DENND4A: variants seen among roughly 807,000 people sequenced by gnomAD.
The protein encoded by DENND4A is DENN domain containing 4A, also known as C-myc promoter-binding protein.
A neutral mutation model predicts 199.3 loss-of-function variants in DENND4A; 70 were observed. That is an observed-to-expected ratio of 0.35 (90% CI 0.29 to 0.43). The LOEUF is 0.43. Among genes scored for constraint, DENND4A ranks in the 20% least tolerant of loss-of-function variants. The pLI is 1.00. For missense variants in DENND4A, 1,723 were observed against 2,255.8 expected (o/e 0.76, Z 4.78); for synonymous variants, 686 against 766.9 (o/e 0.89, Z 1.74).
chr15:65,769,554 A>C (rs2140867934), intron 1 of DENND4A, among the ~76,000 whole-genome samples: 1 of 152,304 alleles, frequency 6.6e-6, no homozygotes, highest in East Asian at 1.9e-4. Flanking sequence ...ATTTTAAAAT[A>C]AGGGACCAAA....
intron 14 of DENND4A, among the ~76,000 whole-genome samples, chr15:65,709,311 G>GT: frequency 6.6e-6 from 1 of 152,280 alleles, no homozygotes; most frequent in East Asian, 1.9e-4. Context: ...ATGAAAGGTA[G>GT]TAACAGCATT....
Position 65,717,971 on chromosome 15 carries a change from T to A in DENND4A, c.1614A>T (p.Gly538=). 2 of 1,604,790 alleles carry A rather than the reference T, an allele frequency of 1.2e-6. No individual in the cohort carries two copies. The highest frequency in any genetic ancestry group is 1.7e-6 in the Non-Finnish European group (2 of 1,175,058). Residue 538 remains glycine (G), a synonymous_variant, in exon 13 of 33, where the codon GGA becomes GGT. Transcript: ENST00000443035. ...AGTCATTTATTGCTAAATCCATGAGTCCATCATCTCTCGGTCTCTGCTGCA... is the reference window on the plus strand; with the variant it reads ...AGTCATTTATTGCTAAATCCATGAGACCATCATCTCTCGGTCTCTGCTGCA... ...AKLQQRPRDD[G]LMDLAINDYD...
At chr15:65,784,457 A>C (rs1253338275) in intron 1 of DENND4A, among the ~76,000 whole-genome samples, 6 of 84,838 alleles carry the variant, frequency 7.1e-5, no homozygotes, top group African/African-American at 3.5e-4. Context: ...CATTTCTTAC[A>C]AAAAAAAAAA....
At chr15:65,749,549 T>C (rs918974074) in intron 4 of DENND4A, among the ~76,000 whole-genome samples, 7 of 152,192 alleles carry the variant, frequency 4.6e-5, no homozygotes, top group South Asian at 4.1e-4. Context: ...CAAAAGAGGA[T>C]AATAAATAAA....
At chr15:65,734,877 T>C (rs1418070962) in intron 7 of DENND4A, among the ~76,000 whole-genome samples, 3 of 151,596 alleles carry the variant, frequency 2.0e-5, no homozygotes, top group Non-Finnish European at 4.4e-5. Flanking sequence ...AGCCTAGGAG[T>C]TCAAGACCAG....
chr15:65,693,715 A>T (rs2077050200), intron 22 of DENND4A, among the ~76,000 whole-genome samples: 1 of 151,738 alleles, frequency 6.6e-6, no homozygotes, highest in Non-Finnish European at 1.5e-5. Flanking sequence ...AACAACCCCA[A>T]ACCCAAGACA....
At chr15:65,751,462 C>G (rs555920636) in intron 4 of DENND4A, among the ~76,000 whole-genome samples, 2 of 152,152 alleles carry the variant, frequency 1.3e-5, no homozygotes, top group Admixed American at 6.5e-5. Flanking sequence ...TTAGAGAAGT[C>G]CAGATTAGAC....
Position 65,700,613 on chromosome 15 carries a change from T to C in DENND4A, c.2764A>G (p.Thr922Ala). The C allele has an allele frequency of 1.9e-6, 3 of 1,547,604 alleles. No individual in the cohort carries two copies. Among genetic ancestry groups the C allele is most frequent in the Non-Finnish European group, 2.6e-6 (3 of 1,145,304 alleles). Residue 922 changes from threonine to alanine, a missense_variant, in exon 20 of 33, where the codon ACT becomes GCT. Coordinates refer to ENST00000443035, the MANE Select transcript of DENND4A (RefSeq NM_001320835.1). The stretch of plus-strand genomic sequence containing the variant: ...GTATTAAAAGGTGCCTGCTCCACAG[T>C]GTGTGTCCCATGACCACTATCCATG... ...GSMDSGHGTH[T>A]VEQAPFNTGL...
intron 1 of DENND4A, among the ~76,000 whole-genome samples, chr15:65,773,948 G>A (rs2077210060): frequency 6.6e-6 from 1 of 152,222 alleles, no homozygotes; most frequent in African/African-American, 2.4e-5. Context: ...GAAAAGAGAA[G>A]TAAAGGTGTT....
chr15:65,705,615 A>T (rs190002045), intron 15 of DENND4A, among the ~76,000 whole-genome samples: 86 of 152,318 alleles, frequency 5.6e-4, no homozygotes, highest in Non-Finnish European at 8.7e-4. Context: ...CATGACTTAA[A>T]ACTCATGAAA....
Position 65,700,546 on chromosome 15 carries a change from G to A in DENND4A, c.2831C>T (p.Thr944Ile). The A allele has an allele frequency of 6.6e-7, 1 of 1,520,356 alleles. No individual in the cohort carries two copies. The highest frequency in any genetic ancestry group is 8.8e-7 in the Non-Finnish European group (1 of 1,131,588). The allele number at this position is 1,520,356 out of a possible 1,614,324, so 94.2% of individuals were successfully genotyped here. A position where few individuals can be genotyped will look rare whatever the true frequency, so the allele number is the denominator to read the frequency against. Residue 944 changes from threonine (T) to isoleucine (I), a missense_variant and splice_region_variant, in exon 20 of 33, where the codon ACA becomes ATA. Thr to Ile is a moderately conservative substitution (Grantham distance 89). Around this residue, in one of 6 missense-constraint regions of DENND4A, gnomAD observed 650 missense variants for 738.1 expected, o/e 0.88. Coordinates refer to ENST00000443035, the MANE Select transcript of DENND4A (RefSeq NM_001320835.1). ...KVYATDDRSS[T>I]GGQSDLGYNS... ...TGTATACATAAGCATACACAAACCT[G>A]TACTAGATCTATCATCAGTAGCATA...
chr15:65,789,647 G>A (rs978797142), intron 1 of DENND4A, among the ~76,000 whole-genome samples: 1 of 152,124 alleles, frequency 6.6e-6, no homozygotes, highest in Non-Finnish European at 1.5e-5. Flanking sequence ...CAATTTTCCT[G>A]CTAGAGCAAC....
chr15:65,736,102 A>C (rs2076107740), intron 7 of DENND4A, among the ~76,000 whole-genome samples: 2 of 152,176 alleles, frequency 1.3e-5, no homozygotes, highest in South Asian at 4.1e-4. Flanking sequence ...ATATTAACAA[A>C]TGTGATTTTT....
chr15:65,749,006 A>AT (rs1377892541), intron 4 of DENND4A, among the ~76,000 whole-genome samples: 61 of 151,882 alleles, frequency 4.0e-4, no homozygotes, highest in Admixed American at 3.1e-3. Context: ...AAAAAAAAAA[A>AT]CAAAAAGAAA....
Position 65,701,873 on chromosome 15 carries a change from A to G in DENND4A, c.2448T>C (p.Leu816=). 1 of 1,613,892 alleles carries G rather than the reference A, an allele frequency of 6.2e-7. No homozygotes were observed. The highest frequency in any genetic ancestry group is 8.5e-7 in the Non-Finnish European group (1 of 1,179,804). Residue 816 remains leucine (L), a synonymous_variant, in exon 18 of 33, where the codon CTT becomes CTC. Transcript: ENST00000443035. The part of the protein sequence containing the change: ...DPPDEVCYRI[L]MQLCGQYDQP... ...GATCATATTGTCCACAGAGTTGCAT[A>G]AGAATGCGGTAGCATACCTGAAATA...
intron 1 of DENND4A, among the ~76,000 whole-genome samples, chr15:65,784,001 C>T (rs1442833205): frequency 6.6e-6 from 1 of 152,094 alleles, no homozygotes; most frequent in African/African-American, 2.4e-5. Context: ...CTAGCTCAGC[C>T]TGGTGACCGA....
chr15:65,752,147 A>AT (rs1332945756), intron 4 of DENND4A, among the ~76,000 whole-genome samples: 2 of 149,954 alleles, frequency 1.3e-5, no homozygotes, highest in Non-Finnish European at 3.0e-5. Context: ...GGGGGATATT[A>AT]TTTTTTTAAT....
chr15:65,779,638 C>G (rs1042532947), intron 1 of DENND4A, among the ~76,000 whole-genome samples: 4 of 150,806 alleles, frequency 2.7e-5, no homozygotes, highest in Non-Finnish European at 5.9e-5. Flanking sequence ...CCATGCCTGG[C>G]TAGCTAGGTG....
chr15:65,728,664 T>C (rs1042251934), intron 11 of DENND4A, among the ~76,000 whole-genome samples: 4 of 151,896 alleles, frequency 2.6e-5, no homozygotes, highest in Non-Finnish European at 5.9e-5. Flanking sequence ...TGTATTTTTA[T>C]TTTTAGTAGA....
Sources: gnomAD v4.1 joint callset for allele counts (sites outside exome capture counted in the v4.1 genomes callset) on GRCh38, gnomAD v4.1.1 for gene constraint, gnomAD v4.1.1 regional missense constraint, MANE v1.5 for transcripts, NCBI Gene and HGNC (gene_info 2026-07-23, HGNC 2026-07-21) for gene names.